PTGES2: variants seen among roughly 807,000 people sequenced by gnomAD.
The protein encoded by PTGES2 is GATE-binding factor 1.
PTGES2 carries 35 observed loss-of-function variants against 44.5 expected under a neutral mutation model. The observed-to-expected ratio is 0.79, with a 90% CI of 0.60 to 1.04. The LOEUF (loss-of-function observed/expected upper bound fraction) is 1.04, where lower values mean the gene tolerates loss of function less well. PTGES2 is among the 50% of genes least tolerant of loss of function. PTGES2 has a pLI of 0.00. For missense variants in PTGES2, 517 were observed against 521.4 expected, an observed-to-expected ratio of 0.99 and a Z score of 0.08; for synonymous variants, 221 against 227.5, an observed-to-expected ratio of 0.97 and a Z score of 0.26.
chr9:128,123,392 G>A lies in PTGES2; in HGVS notation c.687-258C>T, dbSNP rs1313510410. ...CTCCTTAGTAGCTGGGATTATAGGT[G>A]TGTGCCTCCACACCTAGCTAATTTT... On this transcript the variant is annotated intron_variant, in intron 4 of 6. Coordinates refer to ENST00000338961, the MANE Select transcript of PTGES2 (RefSeq NM_025072.7). The surrounding 1 kb of genome is among the most constrained non-coding windows in gnomAD (Gnocchi z 4.4). Among the ~76,000 whole-genome samples the A allele has an allele frequency of 6.6e-6, 1 of 152,098 alleles. No individual in the cohort carries two copies. The highest frequency in any genetic ancestry group is 1.5e-5 in the Non-Finnish European group (1 of 68,032).
At chr9:128,122,186 C>T (rs1834435156) in intron 6 of PTGES2, among the ~76,000 whole-genome samples, 176 bp downstream of exon 6, 2 of 152,226 alleles carry the variant, frequency 1.3e-5, no homozygotes, top group Non-Finnish European at 2.9e-5. Context: ...AAGGCGGTTC[C>T]TGGTCATCTG....
chr9:128,124,865 G>A, intron 2 of PTGES2: 1 of 1,245,806 alleles, frequency 8.0e-7, no homozygotes, highest in Non-Finnish European at 1.0e-6. Flanking sequence ...TTTCATATCT[G>A]CCGTCCCTGC....
At chr9:128,124,933 T>C in intron 2 of PTGES2, 1 of 1,187,882 alleles carries the variant, frequency 8.4e-7, no homozygotes, top group Non-Finnish European at 1.1e-6. Context: ...AGAGGCTAAG[T>C]GACTTGCCCC....
In PTGES2 at chr9:128,127,009, T is replaced by G. The variant is rs1261920382; in HGVS notation, c.279+430A>C. ...GCCTGGGCGACATGGTGAAACCCTA[T>G]CTCTACAAAAAATACAAAAATTAGC... On this transcript the variant is annotated intron_variant, in intron 1 of 6. Coordinates refer to ENST00000338961, the MANE Select transcript of PTGES2 (RefSeq NM_025072.7). Among the ~76,000 whole-genome samples the G allele has an allele frequency of 2.7e-5, 4 of 150,798 alleles. No individual in the cohort carries two copies. In the East Asian group the frequency reaches 7.8e-4, roughly 29 times the overall value.
chr9:128,126,975 T>TA (rs1248161274), intron 1 of PTGES2, among the ~76,000 whole-genome samples: 1 of 151,574 alleles, frequency 6.6e-6, no homozygotes, highest in Non-Finnish European at 1.5e-5. Flanking sequence ...GGCCAGGAGT[T>TA]CGAGACCAGC....
At position 128,123,964 on chromosome 9, in the gene PTGES2, G is replaced by A. The variant is rs1224037497; in HGVS notation, c.537-113C>T. ...AGCCAGGACCAACAAAGGCTCTCCG[G>A]ACTCTTGCAGTAAGAGGGATTTGGA... On this transcript the variant is annotated intron_variant, in intron 3 of 6. Coordinates refer to ENST00000338961, the MANE Select transcript of PTGES2 (RefSeq NM_025072.7). The surrounding 1 kb of genome is among the most constrained non-coding windows in gnomAD (Gnocchi z 4.4). 3.3e-6 allele frequency: 4 copies of A among 1,199,578 alleles called. No homozygotes were observed. The African/African-American group carries it at 6.1e-5, about 18-fold the overall frequency. 74.3% of individuals were successfully genotyped at this position (1,199,578 alleles called of 1,614,324 possible).
In PTGES2 at chr9:128,123,350, G is replaced by A. The variant is rs1218629863; in HGVS notation, c.687-216C>T. On this transcript the variant is annotated intron_variant, in intron 4 of 6. Coordinates refer to ENST00000338961, the MANE Select transcript of PTGES2 (RefSeq NM_025072.7). This position sits in a 1 kb window ranked among gnomAD's most constrained non-coding sequence, Gnocchi z 4.4. ...CATCCTCCGCCTCCTGGGTTCAAGC[G>A]ATTCTCCTGCTTCAGCCTCCTTAGT... Among the ~76,000 whole-genome samples, 9 of 151,988 alleles carry A rather than the reference G, an allele frequency of 5.9e-5. No homozygotes were observed. The highest frequency in any genetic ancestry group is 3.9e-4 in the East Asian group (2 of 5,194).
At chr9:128,128,172 G>GTGCGCGGGGGTGTTGCGGTTCTCTC, upstream of PTGES2, 1 of 377,176 alleles carries the variant, frequency 2.7e-6, no homozygotes, top group Non-Finnish European at 5.3e-6. Context: ...CCGGCACCAG[G>GTGCGCGGGGGTGTTGCGGTTCTCTC]TGTTGCGGTT....
rs200457032 is a variant in PTGES2 at position 128,124,478 on chromosome 9, G to A, written c.536+14C>T. 8.1e-5 allele frequency: 130 copies of A among 1,612,798 alleles called. 1 individual carries two copies. The highest frequency in any genetic ancestry group is 6.7e-4 in the South Asian group (61 of 91,022). On this transcript the variant is annotated intron_variant, in intron 3 of 6. Coordinates refer to ENST00000338961, the MANE Select transcript of PTGES2 (RefSeq NM_025072.7). The stretch of plus-strand genomic sequence containing the variant: ...CAAAAGCAATGGCCACCTGGTCTCC[G>A]AGGGGCTCCTTACCCCGACACCAGG...
chr9:128,125,741 G>A (rs1373886158), intron 1 of PTGES2, among the ~76,000 whole-genome samples: 2 of 152,112 alleles, frequency 1.3e-5, no homozygotes, highest in Non-Finnish European at 2.9e-5. Context: ...CAGTCCCAAG[G>A]GGACACCAGA....
At chr9:128,125,173 G>C in intron 2 of PTGES2, 71 bp downstream of exon 2, 1 of 1,412,770 alleles carries the variant, frequency 7.1e-7, no homozygotes, top group South Asian at 1.3e-5. Flanking sequence ...TGCAGAGCCA[G>C]GCCAGGCTAG....
At position 128,127,668 on chromosome 9, in the gene PTGES2, G is replaced by T; in HGVS notation, c.50C>A (p.Ala17Asp). Reference sequence around the variant, plus strand: ...GCGGCCTCCCAGCCTCCAGGCCAAGGCGCACCCACCAGGCCACAGCGCCCG... The same window carrying T: ...GCGGCCTCCCAGCCTCCAGGCCAAGTCGCACCCACCAGGCCACAGCGCCCG... Reference protein sequence around the residue: ...VVRALWPGGCALAWRLGGRPQ... With the variant: ...VVRALWPGGCDLAWRLGGRPQ... Residue 17 changes from alanine to aspartate, a missense_variant, in exon 1 of 7, where the codon GCC (alanine) becomes GAC (aspartate). Physicochemically the swap from Ala to Asp is moderately radical, Grantham distance 126. Coordinates refer to ENST00000338961, the MANE Select transcript of PTGES2 (RefSeq NM_025072.7). The T allele has an allele frequency of 7.7e-7, 1 of 1,300,618 alleles. No homozygotes were observed. Among genetic ancestry groups the T allele is most frequent in the South Asian group, 2.2e-5 (1 of 44,512 alleles). The allele number at this position is 1,300,618 out of a possible 1,614,324, so 80.6% of individuals were successfully genotyped here.
chr9:128,121,907 G>A (rs1208024001), intron 6 of PTGES2, among the ~76,000 whole-genome samples: 1 of 151,526 alleles, frequency 6.6e-6, no homozygotes, highest in Non-Finnish European at 1.5e-5. Flanking sequence ...CGTGAGACTT[G>A]GTCTCAAAAA....
In PTGES2 at chr9:128,123,799, C is replaced by G. The variant is rs146806609; in HGVS notation, c.589G>C (p.Glu197Gln). The G allele has an allele frequency of 6.2e-7, 1 of 1,614,154 alleles. No individual in the cohort carries two copies. Among genetic ancestry groups the G allele is most frequent in the Admixed American group, 1.7e-5 (1 of 60,026 alleles). The change falls in exon 4 of 7, where the codon GAG becomes CAG. Residue 197 changes from glutamate (E) to glutamine (Q), a missense_variant. Glu to Gln is a conservative substitution (Grantham distance 29, BLOSUM62 2). Transcript: ENST00000338961. This position sits in a 1 kb window ranked among gnomAD's most constrained non-coding sequence, Gnocchi z 4.4. ...AACTCGGTCACCTCCTTGCCCTGCT[C>G]GTTCACAGCCTTCATGGCTGGGTAG... Reference protein sequence around the residue: ...TYYPAMKAVNEQGKEVTEFGN... With the variant: ...TYYPAMKAVNQQGKEVTEFGN...
upstream of PTGES2, chr9:128,127,787 GC>G: frequency 8.2e-7 from 1 of 1,225,150 alleles, no homozygotes; most frequent in South Asian, 3.2e-5. Flanking sequence ...CGTTTAAAGG[GC>G]CAGGACTCTG....
rs1006171253 is a variant in PTGES2 at position 128,122,499 on chromosome 9, G to A, written c.888-20C>T. Reference sequence around the variant, plus strand: ...CGGTGCCTGGGCGGGGAAGGGAAAAGCCCCTCAGGGGAGCCCCCACTCCCA... The same window carrying A: ...CGGTGCCTGGGCGGGGAAGGGAAAAACCCCTCAGGGGAGCCCCCACTCCCA... On this transcript the variant is annotated intron_variant, in intron 5 of 6. Coordinates refer to ENST00000338961, the MANE Select transcript of PTGES2 (RefSeq NM_025072.7). 6.2e-7 allele frequency: 1 copy of A among 1,601,874 alleles called. No homozygotes were observed. Among genetic ancestry groups the A allele is most frequent in the African/African-American group, 1.3e-5 (1 of 74,788 alleles).
In PTGES2 at chr9:128,123,779, G is replaced by C. The variant is rs373222756; in HGVS notation, c.609C>G (p.Thr203=). The part of the protein sequence containing the change: ...KAVNEQGKEV[T]EFGNKYWLML... ...TGAGCCAGTACTTATTGCCGAACTC[G>C]GTCACCTCCTTGCCCTGCTCGTTCA... The change falls in exon 4 of 7, where the codon ACC becomes ACG. Residue 203 remains threonine (T), a synonymous_variant. Coordinates refer to ENST00000338961, the MANE Select transcript of PTGES2 (RefSeq NM_025072.7). This position sits in a 1 kb window ranked among gnomAD's most constrained non-coding sequence, Gnocchi z 4.4. 18 of 1,613,960 alleles carry C rather than the reference G, an allele frequency of 1.1e-5. No individual in the cohort carries two copies. Among genetic ancestry groups the C allele is most frequent in the Non-Finnish European group, 3.4e-6 (4 of 1,180,018 alleles).
rs779528287 is a variant in PTGES2, at chr9:128,126,243, G to A, written c.280-802C>T. ...CTTTTTACCCACCTCTGTTCCCTCT[G>A]GTCCAGCAAATAAGCATCTGTGGGC... On this transcript the variant is annotated intron_variant, in intron 1 of 6. Transcript: ENST00000338961. Among the ~76,000 whole-genome samples the A allele has an allele frequency of 5.9e-5, 9 of 152,186 alleles. 1 individual carries two copies. The highest frequency in any genetic ancestry group is 5.9e-4 in the Admixed American group (9 of 15,276).
chr9:128,127,442 C>A lies in PTGES2; in HGVS notation c.276G>T (p.Ala92=), dbSNP rs1217199984. The change falls in exon 1 of 7, where the codon GCG becomes GCT. Residue 92 remains alanine, a synonymous_variant. Transcript: ENST00000338961. Reference sequence around the variant, plus strand: ...CCCCGGCCGGGCCAGGCCTTACCTGCGCGGCTGAGCGCTCTGCGTGGAGGT... The same window carrying A: ...CCCCGGCCGGGCCAGGCCTTACCTGAGCGGCTGAGCGCTCTGCGTGGAGGT... ...AQDLHAERSA[A]QLSLSSRLQL... is the part of the protein sequence containing the mutation. 3 of 1,374,964 alleles carry A rather than the reference C, an allele frequency of 2.2e-6. No individual in the cohort carries two copies. The highest frequency in any genetic ancestry group is 1.9e-4 in the Middle Eastern group (1 of 5,196). 85.2% of individuals were successfully genotyped at this position (1,374,964 alleles called of 1,614,324 possible).
Sources: gnomAD v4.1 joint callset for allele counts (sites outside exome capture counted in the v4.1 genomes callset) on GRCh38, gnomAD v4.1.1 for gene constraint, Gnocchi (gnomAD v3.1) non-coding constraint, MANE v1.5 for transcripts, NCBI Gene and HGNC (gene_info 2026-07-23, HGNC 2026-07-21) for gene names.